Variants in CNTNAP2 observed in about 807,000 individuals in gnomAD.
The protein encoded by CNTNAP2 is contactin associated protein 2, also known as contactin-associated protein-like 2.
In CNTNAP2, 98 loss-of-function variants were observed where a neutral mutation model predicts 155.2. The ratio of observed to expected loss-of-function variants is 0.63; its 90% CI spans 0.54 to 0.75. The LOEUF is 0.75. CNTNAP2 is among the 30% of genes least tolerant of loss of function. The pLI is 0.00. For synonymous variants in CNTNAP2, 651 were observed against 631.2 expected (o/e 1.03, Z -0.47); for missense variants, 1,727 against 1,688.1 (o/e 1.02, Z -0.40).
chr7:146,127,827 T>A (rs1288164379), intron 1 of CNTNAP2, among the ~76,000 whole-genome samples: 1 of 152,214 alleles, frequency 6.6e-6, no homozygotes, highest in Non-Finnish European at 1.5e-5. Flanking sequence ...CTGAAAAACT[T>A]GATAACTATA....
intron 1 of CNTNAP2, among the ~76,000 whole-genome samples, chr7:146,627,668 G>C (rs1043010746): frequency 4.3e-4 from 65 of 152,104 alleles, no homozygotes; most frequent in African/African-American, 1.6e-3. Context: ...TATACATTTT[G>C]CAACCTGTTA....
chr7:146,841,020 G>T (rs1283731445), intron 3 of CNTNAP2, among the ~76,000 whole-genome samples: 1 of 152,148 alleles, frequency 6.6e-6, no homozygotes, highest in Non-Finnish European at 1.5e-5. Flanking sequence ...TCTCGCAATT[G>T]AGATAATTCA....
intron 21 of CNTNAP2, among the ~76,000 whole-genome samples, chr7:148,281,835 CTTTTTTTTT>C (rs58086860): frequency 8.1e-6 from 1 of 123,460 alleles, no homozygotes; most frequent in African/African-American, 2.9e-5. Context: ...ACAACGTTTC[CTTTTTTTTT>C]TTTTTTTTTT....
intron 15 of CNTNAP2, among the ~76,000 whole-genome samples, chr7:148,035,489 G>A (rs1802557233): frequency 6.6e-6 from 1 of 152,172 alleles, no homozygotes; most frequent in Non-Finnish European, 1.5e-5. Context: ...GTGGGCCCAG[G>A]TGCAGCTGGT....
At chr7:148,033,612 C>A (rs1320387965) in intron 15 of CNTNAP2, among the ~76,000 whole-genome samples, 1 of 152,130 alleles carries the variant, frequency 6.6e-6, no homozygotes, top group Non-Finnish European at 1.5e-5. Flanking sequence ...TTAGAGATGT[C>A]TATTGCTTGG....
intron 5 of CNTNAP2, among the ~76,000 whole-genome samples, chr7:147,115,629 G>A (rs1042150652): frequency 6.6e-6 from 1 of 152,012 alleles, no homozygotes; most frequent in African/African-American, 2.4e-5. Context: ...ACTTGTGATT[G>A]CATTGTAGTA....
chr7:147,648,869 C>T (rs1161569210), intron 13 of CNTNAP2, among the ~76,000 whole-genome samples: 1 of 152,152 alleles, frequency 6.6e-6, no homozygotes, highest in African/African-American at 2.4e-5. Context: ...CTATTAAAAA[C>T]CTTTCTGACA....
intron 1 of CNTNAP2, among the ~76,000 whole-genome samples, chr7:146,436,655 T>G (rs1796247713): frequency 6.6e-6 from 1 of 152,152 alleles, no homozygotes; most frequent in African/African-American, 2.4e-5. Flanking sequence ...ATTATTTGTA[T>G]CCTGGAAACA....
intron 8 of CNTNAP2, among the ~76,000 whole-genome samples, chr7:147,171,135 G>C (rs1358445270): frequency 6.6e-6 from 1 of 152,152 alleles, no homozygotes; most frequent in Non-Finnish European, 1.5e-5. Flanking sequence ...GATCCCAGAA[G>C]TCTGCATGAG....
At chr7:147,398,400 A>T (rs1313206674) in intron 10 of CNTNAP2, among the ~76,000 whole-genome samples, 1 of 64,800 alleles carries the variant, frequency 1.5e-5, no homozygotes, top group African/African-American at 1.3e-4. Flanking sequence ...TATTTTTGAG[A>T]GGGAGAAAAA....
intron 13 of CNTNAP2, among the ~76,000 whole-genome samples, chr7:147,742,027 G>A (rs1318012182): frequency 6.6e-6 from 1 of 152,132 alleles, no homozygotes; most frequent in East Asian, 1.9e-4. Flanking sequence ...GATGGTGCAG[G>A]CAAAGAGAGG....
chr7:147,608,922 C>T (rs1801126697), intron 12 of CNTNAP2, among the ~76,000 whole-genome samples: 1 of 152,056 alleles, frequency 6.6e-6, no homozygotes, highest in African/African-American at 2.4e-5. Flanking sequence ...TCAAAAGGTG[C>T]TCAGTCGGGG....
intron 9 of CNTNAP2, among the ~76,000 whole-genome samples, chr7:147,364,415 G>A (rs1298414624): frequency 6.6e-6 from 1 of 152,050 alleles, no homozygotes; most frequent in Non-Finnish European, 1.5e-5. Flanking sequence ...GATGTTTTCT[G>A]GTGTTAAAAG....
At chr7:147,998,717 C>G (rs573648008) in intron 15 of CNTNAP2, among the ~76,000 whole-genome samples, 1 of 152,074 alleles carries the variant, frequency 6.6e-6, no homozygotes, top group African/African-American at 2.4e-5. Context: ...TGCAAACATA[C>G]ACAGTAAGCA....
At chr7:148,408,131 G>C (rs1799746603) in intron 22 of CNTNAP2, among the ~76,000 whole-genome samples, 1 of 152,006 alleles carries the variant, frequency 6.6e-6, no homozygotes, top group South Asian at 2.1e-4. Context: ...TGTAATCCCA[G>C]CTACTTGGGA....
chr7:147,738,827 G>T lies in CNTNAP2; in HGVS notation c.2098+99521G>T, dbSNP rs532023045. Among the ~76,000 whole-genome samples, 12 of 151,944 alleles carry T rather than the reference G, an allele frequency of 7.9e-5. No homozygotes were observed. In the East Asian group the frequency reaches 2.3e-3, roughly 29 times the overall value. On this transcript the variant is annotated intron_variant, in intron 13 of 23. Coordinates refer to ENST00000361727, the MANE Select transcript of CNTNAP2 (RefSeq NM_014141.6). ...GTGCCACCGTGCACAGCTAATTTTTGTATTTTTAGTACAGACAGGGTTTCG... is the reference window on the plus strand; with the variant it reads ...GTGCCACCGTGCACAGCTAATTTTTTTATTTTTAGTACAGACAGGGTTTCG...
At chr7:146,225,692 T>C (rs1284230257) in intron 1 of CNTNAP2, among the ~76,000 whole-genome samples, 1 of 152,216 alleles carries the variant, frequency 6.6e-6, no homozygotes, top group East Asian at 1.9e-4. Context: ...TACCCTGTTA[T>C]TGTACTAACC....
chr7:147,705,622 A>G (rs1340807647), intron 13 of CNTNAP2, among the ~76,000 whole-genome samples: 2 of 152,086 alleles, frequency 1.3e-5, no homozygotes, highest in Admixed American at 1.3e-4. Context: ...ATCTGTCTAG[A>G]TGATTTGTCT....
At chr7:147,032,153 C>T (rs1258382423) in intron 3 of CNTNAP2, among the ~76,000 whole-genome samples, 7 of 152,098 alleles carry the variant, frequency 4.6e-5, no homozygotes, top group Non-Finnish European at 1.0e-4. Context: ...TATTATCATT[C>T]TTTTTAAAAA....
Sources: allele counts gnomAD v4.1 joint callset (sites outside exome capture counted in the v4.1 genomes callset), GRCh38; gene constraint gnomAD v4.1.1; transcripts MANE v1.5; gene names NCBI Gene and HGNC (gene_info 2026-07-23, HGNC 2026-07-21).